ATXN7L1: variants seen among roughly 807,000 people sequenced by gnomAD.
ATXN7L1 encodes ataxin-7-like protein 1.
Under a neutral mutation model 70.8 loss-of-function variants are expected in ATXN7L1, and 15 were observed. The observed-to-expected ratio is 0.21, with a 90% CI of 0.14 to 0.33. The LOEUF is 0.33. Ranked by LOEUF, ATXN7L1 falls within the 10% of genes least tolerant of loss-of-function variation. ATXN7L1 has a pLI of 1.00. For synonymous variants in ATXN7L1, 440 were observed against 445.1 expected (o/e 0.99, Z 0.14); for missense variants, 975 against 1,097.1 (o/e 0.89, Z 1.57).
chr7:105,825,625 T>TTTTTTTTTTTTTTTTTTTTTG (rs1563124044), intron 2 of ATXN7L1, among the ~76,000 whole-genome samples: 1 of 151,832 alleles, frequency 6.6e-6, no homozygotes, highest in African/African-American at 2.4e-5. Flanking sequence ...AGCATGTTTT[T>TTTTTTTTTTTTTTTTTTTTTG]AAGACACAAG....
intron 3 of ATXN7L1, among the ~76,000 whole-genome samples, chr7:105,740,248 G>A (rs1347009273): frequency 6.6e-6 from 1 of 152,162 alleles, no homozygotes; most frequent in Non-Finnish European, 1.5e-5. Context: ...AACCCATAAG[G>A]AACCCAAGGG....
Position 105,716,330 on chromosome 7 carries a change from A to T in ATXN7L1, c.356-51042T>A, listed in dbSNP as rs554209583. ...ATATGAAATTTCAATAAAAGGGTGC[A>T]GGTGGCAAAATAGAAACCTGAGCAG... On this transcript the variant is annotated intron_variant, in intron 3 of 11. Coordinates refer to ENST00000419735, the MANE Select transcript of ATXN7L1 (RefSeq NM_020725.2). 1.9e-4 allele frequency among the ~76,000 whole-genome samples: 29 copies of T among 152,256 alleles called. No homozygotes were observed. The East Asian group carries it at 5.0e-3, about 26-fold the overall frequency.
intron 4 of ATXN7L1, among the ~76,000 whole-genome samples, chr7:105,647,366 G>T (rs75269531): frequency 5.9e-5 from 9 of 152,182 alleles, no homozygotes; most frequent in Non-Finnish European, 1.3e-4. Context: ...TTAAAAAACC[G>T]GCTGGGTACG....
chr7:105,692,408 TCCTTCCTTCCTTCCTTCCTC>T (rs1457202979), intron 3 of ATXN7L1, among the ~76,000 whole-genome samples: 12 of 120,382 alleles, frequency 1.0e-4, no homozygotes, highest in African/African-American at 3.8e-4. Flanking sequence ...CTTCCTTCCT[TCCTTCCTTCCTTCCTTCCTC>T]CCTCCCTCCC....
At chr7:105,653,895 C>A (rs1374756280) in intron 4 of ATXN7L1, among the ~76,000 whole-genome samples, 1 of 152,182 alleles carries the variant, frequency 6.6e-6, no homozygotes, top group Non-Finnish European at 1.5e-5. Context: ...TGAACACTCC[C>A]CCATCTGTCC....
At chr7:105,801,944 A>T (rs918255496) in intron 2 of ATXN7L1, among the ~76,000 whole-genome samples, 1 of 152,150 alleles carries the variant, frequency 6.6e-6, no homozygotes, top group African/African-American at 2.4e-5. Flanking sequence ...CAGGAACCCA[A>T]ACTCGACGGA....
rs533973904 is a variant in ATXN7L1 at position 105,704,771 on chromosome 7, C to T, written c.356-39483G>A. Among the ~76,000 whole-genome samples, 8 of 151,556 alleles carry T rather than the reference C, an allele frequency of 5.3e-5. 1 individual carries two copies. The South Asian group carries it at 1.5e-3, about 28-fold the overall frequency. ...GACTACAGGCATGTGCCATCACACC[C>T]GGCTAATTTTTGTATTTTTAGTAGA... On this transcript the variant is annotated intron_variant, in intron 3 of 11. Transcript: ENST00000419735.
chr7:105,767,037 C>A (rs1365260470), intron 3 of ATXN7L1, among the ~76,000 whole-genome samples: 1 of 152,210 alleles, frequency 6.6e-6, no homozygotes, highest in African/African-American at 2.4e-5. Context: ...GGACGGCGGG[C>A]AGGAAGCAAG....
At chr7:105,785,748 C>T (rs1171792973) in intron 3 of ATXN7L1, among the ~76,000 whole-genome samples, 2 of 151,922 alleles carry the variant, frequency 1.3e-5, no homozygotes, top group African/African-American at 2.4e-5. Flanking sequence ...GGATTAGTGC[C>T]CATATAAGAG....
chr7:105,742,304 T>C (rs555678), intron 3 of ATXN7L1, among the ~76,000 whole-genome samples: 92,607 of 152,132 alleles, frequency 0.61, 30,847 homozygotes, highest in East Asian at 0.92. Flanking sequence ...TTGTTGGTGT[T>C]CTCAAATATG....
chr7:105,636,161 G>A (rs1197104289), intron 7 of ATXN7L1, among the ~76,000 whole-genome samples: 1 of 152,152 alleles, frequency 6.6e-6, no homozygotes, highest in African/African-American at 2.4e-5. Flanking sequence ...TTGGGAGGCC[G>A]AGGTGGGCGA....
At chr7:105,733,685 T>C (rs1268877935) in intron 3 of ATXN7L1, among the ~76,000 whole-genome samples, 1 of 105,668 alleles carries the variant, frequency 9.5e-6, no homozygotes, top group South Asian at 3.1e-4. Context: ...CATCCACCCA[T>C]CCACCCATCC....
intron 2 of ATXN7L1, among the ~76,000 whole-genome samples, chr7:105,825,590 T>C (rs901940782): frequency 8.6e-5 from 13 of 151,744 alleles, no homozygotes; most frequent in African/African-American, 3.1e-4. Flanking sequence ...TTGCCTAATA[T>C]TGGTAGACAA....
intron 3 of ATXN7L1, among the ~76,000 whole-genome samples, chr7:105,778,699 T>C (rs1197114249): frequency 6.6e-6 from 1 of 152,224 alleles, no homozygotes; most frequent in Non-Finnish European, 1.5e-5. Context: ...ATCTACTCTT[T>C]GTGAGTCTCA....
At chr7:105,806,436 G>A (rs547839507) in intron 2 of ATXN7L1, among the ~76,000 whole-genome samples, 2 of 152,246 alleles carry the variant, frequency 1.3e-5, no homozygotes, top group East Asian at 3.9e-4. Context: ...AGCCACCCAG[G>A]CTATGGTACT....
intron 3 of ATXN7L1, among the ~76,000 whole-genome samples, chr7:105,768,207 T>C (rs1801531827): frequency 6.6e-6 from 1 of 152,340 alleles, no homozygotes; most frequent in Admixed American, 6.5e-5. Flanking sequence ...GGTATAATTA[T>C]AGCACAAGTT....
intron 3 of ATXN7L1, among the ~76,000 whole-genome samples, chr7:105,748,961 G>A (rs1281881405): frequency 6.6e-6 from 1 of 152,220 alleles, no homozygotes; most frequent in Non-Finnish European, 1.5e-5. Flanking sequence ...AGGAATGTGA[G>A]GAGTGAGAGA....
intron 2 of ATXN7L1, among the ~76,000 whole-genome samples, chr7:105,853,015 C>G (rs7792450): frequency 0.029 from 4,447 of 151,984 alleles, 229 homozygotes; most frequent in African/African-American, 0.1. Flanking sequence ...TAGGTGACTT[C>G]ATAGGAACAG....
chr7:105,854,106 G>A (rs1026056604), intron 2 of ATXN7L1, among the ~76,000 whole-genome samples: 1 of 152,150 alleles, frequency 6.6e-6, no homozygotes, highest in Non-Finnish European at 1.5e-5. Context: ...TCCCTATAAG[G>A]CCGCGGCAGC....
Sources: allele counts gnomAD v4.1 joint callset (sites outside exome capture counted in the v4.1 genomes callset), GRCh38; gene constraint gnomAD v4.1.1; transcripts MANE v1.5; gene names NCBI Gene and HGNC (gene_info 2026-07-23, HGNC 2026-07-21).